CADM2: variants seen among roughly 807,000 people sequenced by gnomAD.
The protein encoded by CADM2 is immunoglobulin superfamily member 4D.
Under a neutral mutation model 49.8 loss-of-function variants are expected in CADM2, and 12 were observed. The observed-to-expected ratio is 0.24, with a 90% CI of 0.15 to 0.39. The LOEUF is 0.39. Among genes scored for constraint, CADM2 ranks in the 10% least tolerant of loss-of-function variants. CADM2 has a pLI of 1.00. For synonymous variants in CADM2, 214 were observed against 175.4 expected, an observed-to-expected ratio of 1.22 and a Z score of -1.74; for missense variants, 378 against 492.3, an observed-to-expected ratio of 0.77 and a Z score of 2.20.
chr3:85,070,594 A>C (rs1305607105), intron 1 of CADM2, among the ~76,000 whole-genome samples: 1 of 152,170 alleles, frequency 6.6e-6, no homozygotes, highest in Non-Finnish European at 1.5e-5. Context: ...AAGCTATAAA[A>C]CGAAAGAAAG....
intron 1 of CADM2, among the ~76,000 whole-genome samples, chr3:85,460,165 G>A (rs1178834777): frequency 6.6e-6 from 1 of 151,746 alleles, no homozygotes; most frequent in Non-Finnish European, 1.5e-5. Flanking sequence ...TTAATTTAAT[G>A]TTCATACTAA....
At chr3:85,814,518 A>G (rs985922703) in intron 3 of CADM2, among the ~76,000 whole-genome samples, 1 of 152,142 alleles carries the variant, frequency 6.6e-6, no homozygotes, top group Admixed American at 6.6e-5. Context: ...AAGAACTAAG[A>G]TCAGAGCAGA....
Position 85,192,480 on chromosome 3 carries a change from A to C in CADM2, c.61+232812A>C, listed in dbSNP as rs376923164. 2.1e-3 allele frequency among the ~76,000 whole-genome samples: 313 copies of C among 152,126 alleles called. 1 individual carries two copies. Among genetic ancestry groups the C allele is most frequent in the African/African-American group, 7.1e-3 (296 of 41,512 alleles). Reference sequence around the variant, plus strand: ...GCTTACTGAACACCTGCCATGTGCTAAGTGCCTTGAGCCATACCCGGTGAG... The same window carrying C: ...GCTTACTGAACACCTGCCATGTGCTCAGTGCCTTGAGCCATACCCGGTGAG... On this transcript the variant is annotated intron_variant, in intron 1 of 9. Transcript: ENST00000383699.
At chr3:85,204,493 A>C (rs1370789900) in intron 1 of CADM2, among the ~76,000 whole-genome samples, 3 of 152,150 alleles carry the variant, frequency 2.0e-5, no homozygotes, top group African/African-American at 7.2e-5. Flanking sequence ...ACTCTTACAA[A>C]CACAGAGAGA....
At chr3:85,108,665 C>T (rs2038338853) in intron 1 of CADM2, among the ~76,000 whole-genome samples, 1 of 151,434 alleles carries the variant, frequency 6.6e-6, no homozygotes, top group South Asian at 2.1e-4. Flanking sequence ...AAACAGTAAA[C>T]TTTATATTAT....
chr3:85,544,089 C>T (rs1310235701), intron 1 of CADM2, among the ~76,000 whole-genome samples: 1 of 152,070 alleles, frequency 6.6e-6, no homozygotes, highest in Non-Finnish European at 1.5e-5. Context: ...AATAATAAAA[C>T]ACAATTTTTA....
intron 2 of CADM2, among the ~76,000 whole-genome samples, chr3:85,764,931 G>T (rs1245627893): frequency 2.0e-5 from 3 of 151,944 alleles, no homozygotes; most frequent in Admixed American, 6.6e-5. Context: ...TTAGTAATGG[G>T]TATACAAACC....
intron 8 of CADM2, among the ~76,000 whole-genome samples, chr3:86,035,104 T>C (rs1306913021): frequency 6.6e-6 from 1 of 152,046 alleles, no homozygotes; most frequent in African/African-American, 2.4e-5. Flanking sequence ...GACAATAAAA[T>C]CTTTAGCATG....
At chr3:85,830,639 T>A (rs2074141098) in intron 3 of CADM2, among the ~76,000 whole-genome samples, 1 of 151,822 alleles carries the variant, frequency 6.6e-6, no homozygotes, top group African/African-American at 2.4e-5. Context: ...TCTAGGAGCT[T>A]TATGGTTTTA....
intron 1 of CADM2, among the ~76,000 whole-genome samples, chr3:85,139,705 G>T (rs901815496): frequency 6.6e-6 from 1 of 152,100 alleles, no homozygotes. Flanking sequence ...AAAAATGTAA[G>T]TTGGGCTATG....
intron 8 of CADM2, among the ~76,000 whole-genome samples, chr3:86,010,641 T>A (rs909790661): frequency 6.6e-6 from 1 of 150,808 alleles, no homozygotes; most frequent in East Asian, 2.0e-4. Context: ...AAATAAATAT[T>A]GAAAGAAAGA....
At chr3:85,304,488 A>T (rs1392815082) in intron 1 of CADM2, among the ~76,000 whole-genome samples, 1 of 151,730 alleles carries the variant, frequency 6.6e-6, no homozygotes. Context: ...CACTTCTAAC[A>T]TATGGTTATT....
chr3:85,662,906 C>T (rs181660320), intron 1 of CADM2, among the ~76,000 whole-genome samples: 23 of 152,176 alleles, frequency 1.5e-4, no homozygotes, highest in Admixed American at 1.3e-3. Context: ...TATTATACCA[C>T]ACAAGTACAA....
intron 1 of CADM2, among the ~76,000 whole-genome samples, chr3:85,383,976 T>G (rs141866895): frequency 1.5e-3 from 230 of 152,332 alleles, no homozygotes; most frequent in African/African-American, 5.0e-3. Context: ...TATCTCATGA[T>G]CATGTTGTAC....
chr3:85,087,419 T>C (rs2037421925), intron 1 of CADM2, among the ~76,000 whole-genome samples: 1 of 152,212 alleles, frequency 6.6e-6, no homozygotes, highest in African/African-American at 2.4e-5. Context: ...AATAAAATTA[T>C]TCCTCTTCAA....
At chr3:84,970,996 A>G (rs1379021577) in intron 1 of CADM2, among the ~76,000 whole-genome samples, 1 of 152,106 alleles carries the variant, frequency 6.6e-6, no homozygotes, top group Non-Finnish European at 1.5e-5. Flanking sequence ...CCTGTAACCT[A>G]TGGTTAAATA....
rs1206340725 is a variant in CADM2, at chr3:84,984,046, TATACAC to T, written c.61+24380_61+24385del. ...TTCTTCATTGTGATATATATATATA[TATACAC>T]ACACACACACACACACACACACACA... On this transcript the variant is annotated intron_variant, in intron 1 of 9. Transcript: ENST00000383699. Among the ~76,000 whole-genome samples the T allele has an allele frequency of 4.5e-3, 520 of 115,652 alleles. 2 individuals carry two copies. Among genetic ancestry groups the T allele is most frequent in the Middle Eastern group, 0.021 (5 of 242 alleles). 75.9% of individuals were successfully genotyped at this position (115,652 alleles called of 152,430 possible). A position where few individuals can be genotyped will look rare whatever the true frequency, so the allele number is the denominator to read the frequency against.
chr3:86,059,090 T>G (rs1439680825), intron 8 of CADM2, among the ~76,000 whole-genome samples: 1 of 101,386 alleles, frequency 9.9e-6, no homozygotes, highest in Admixed American at 1.1e-4. Flanking sequence ...CGAGACTCCA[T>G]CTTACAAAAA....
chr3:85,235,335 G>A (rs2042385821), intron 1 of CADM2, among the ~76,000 whole-genome samples: 1 of 152,002 alleles, frequency 6.6e-6, no homozygotes, highest in Admixed American at 6.6e-5. Context: ...ATGCCTTGGA[G>A]TTTTTGAGTG....
Sources: gnomAD v4.1 joint callset for allele counts (sites outside exome capture counted in the v4.1 genomes callset) on GRCh38, gnomAD v4.1.1 for gene constraint, MANE v1.5 for transcripts, NCBI Gene and HGNC (gene_info 2026-07-23, HGNC 2026-07-21) for gene names.